PPP1R37: variants seen among roughly 807,000 people sequenced by gnomAD.
PPP1R37 encodes the protein leucine rich repeat containing 68.
A neutral mutation model predicts 61.0 loss-of-function variants in PPP1R37; 21 were observed. The observed-to-expected ratio is 0.34, with a 90% CI of 0.24 to 0.50. The LOEUF (loss-of-function observed/expected upper bound fraction) is 0.50. Ranked by LOEUF, PPP1R37 falls within the 20% of genes least tolerant of loss-of-function variation. The pLI is 0.98. For missense variants in PPP1R37, 910 were observed against 952.7 expected (o/e 0.96, Z 0.59); for synonymous variants, 443 against 433.5 (o/e 1.02, Z -0.27).
In PPP1R37 at chr19:45,140,527, C is replaced by T. The variant is rs913351224; in HGVS notation, c.368C>T (p.Thr123Ile). 2.6e-6 allele frequency: 4 copies of T among 1,535,862 alleles called. No homozygotes were observed. The highest frequency in any genetic ancestry group is 1.4e-5 in the African/African-American group (1 of 73,044). The change falls in exon 4 of 13, where the codon ACC becomes ATC. Residue 123 changes from threonine (T) to isoleucine (I), a missense_variant. Transcript: ENST00000221462. ...DLKGEKLDYK[T>I]CEALEEVFKR... Reference sequence around the variant, plus strand: ...CCAGGTGAGAAGCTTGACTACAAGACCTGTGAGGCCCTGGAAGAGGTCTTC... The same window carrying T: ...CCAGGTGAGAAGCTTGACTACAAGATCTGTGAGGCCCTGGAAGAGGTCTTC...
intron 1 of PPP1R37, among the ~76,000 whole-genome samples, chr19:45,098,194 G>C (rs1484114563): frequency 6.6e-6 from 1 of 151,474 alleles, no homozygotes; most frequent in African/African-American, 2.4e-5. Flanking sequence ...GCACTGCCAG[G>C]CTGGGCACGT....
At chr19:45,128,441 G>A (rs1451766426) in intron 1 of PPP1R37, 11 of 542,554 alleles carry the variant, frequency 2.0e-5, no homozygotes, top group Non-Finnish European at 3.6e-5. Context: ...AGCTGTGTGT[G>A]TTTAAAGTCA....
chr19:45,116,606 C>T (rs1009040635), intron 1 of PPP1R37, among the ~76,000 whole-genome samples: 17 of 152,180 alleles, frequency 1.1e-4, no homozygotes, highest in African/African-American at 2.7e-4. Context: ...CTTTCCAGGA[C>T]GCATTGCGGG....
intron 1 of PPP1R37, among the ~76,000 whole-genome samples, chr19:45,109,073 A>G (rs565223335): frequency 6.6e-6 from 1 of 152,292 alleles, no homozygotes; most frequent in South Asian, 2.1e-4. Flanking sequence ...CGCCCGACCT[A>G]ACCTGTTTAT....
chr19:45,133,963 G>A (rs1968508287), intron 1 of PPP1R37, among the ~76,000 whole-genome samples: 1 of 152,194 alleles, frequency 6.6e-6, no homozygotes, highest in South Asian at 2.1e-4. Flanking sequence ...CATGTGGTTA[G>A]TGCTCAGTAC....
Position 45,121,522 on chromosome 19 carries a change from A to G in PPP1R37, c.203-16992A>G, listed in dbSNP as rs969530318. Among the ~76,000 whole-genome samples the G allele has an allele frequency of 1.6e-4, 25 of 152,248 alleles. No homozygotes were observed. The highest frequency in any genetic ancestry group is 1.6e-3 in the Admixed American group (25 of 15,292). On this transcript the variant is annotated intron_variant, in intron 1 of 12. Coordinates refer to ENST00000221462, the MANE Select transcript of PPP1R37 (RefSeq NM_019121.2). The surrounding 1 kb of genome is among the most constrained non-coding windows in gnomAD (Gnocchi z 4.2). ...CCTAGGTAGGGAGCTCCCCAAATAC[A>G]GGAAGAAGGTTAGAGGCAGGAAGAG...
intron 1 of PPP1R37, among the ~76,000 whole-genome samples, chr19:45,129,570 T>TACA (rs1968450681): frequency 6.6e-6 from 1 of 152,198 alleles, no homozygotes; most frequent in Non-Finnish European, 1.5e-5. Context: ...GTGCTGGGAT[T>TACA]ACAGGTGTGA....
chr19:45,107,035 C>G (rs551865025), intron 1 of PPP1R37, among the ~76,000 whole-genome samples: 3 of 151,828 alleles, frequency 2.0e-5, no homozygotes, highest in African/African-American at 7.2e-5. Context: ...CCAGGATGGT[C>G]TCAATCTCCT....
chr19:45,101,762 G>T (rs918886348), intron 1 of PPP1R37, among the ~76,000 whole-genome samples: 1 of 152,184 alleles, frequency 6.6e-6, no homozygotes. Context: ...ACAGAATCCT[G>T]TGTGGAGGTG....
intron 1 of PPP1R37, among the ~76,000 whole-genome samples, chr19:45,123,870 G>A (rs538722416): frequency 1.1e-4 from 16 of 152,260 alleles, no homozygotes; most frequent in Admixed American, 5.2e-4. Context: ...CCAAGTCCCC[G>A]CAGTAATCTT....
intron 1 of PPP1R37, chr19:45,136,942 G>A (rs1316577419): frequency 6.6e-6 from 1 of 152,284 alleles, no homozygotes; most frequent in Non-Finnish European, 1.5e-5. Flanking sequence ...GCCTAGCAGG[G>A]TGGCAGGAGG....
Position 45,093,391 on chromosome 19 carries a change from A to T in PPP1R37, c.66A>T (p.Pro22=). The part of the protein sequence containing the change: ...PGADGDIEEA[P]AEAGSPSPAS... ...CGGACGGCGACATTGAAGAGGCCCC[A>T]GCTGAGGCCGGGTCTCCCAGCCCCG... Residue 22 remains proline (P), a synonymous_variant, in exon 1 of 13, where the codon CCA becomes CCT. Transcript: ENST00000221462. 1 of 1,532,910 alleles carries T rather than the reference A, an allele frequency of 6.5e-7. No homozygotes were observed. The highest frequency in any genetic ancestry group is 2.0e-5 in the Admixed American group (1 of 50,884). The allele number at this position is 1,532,910 out of a possible 1,614,324, so 95.0% of individuals were successfully genotyped here.
In PPP1R37 at chr19:45,145,889, C is replaced by T. The variant is rs1003259530; in HGVS notation, c.1833C>T (p.Asp611=). Reference sequence around the variant, plus strand: ...CCCTACCACCAGCCGGGGCCATTGACACCCGGGACACAGGGTCCTCTGAGC... The same window carrying T: ...CCCTACCACCAGCCGGGGCCATTGATACCCGGGACACAGGGTCCTCTGAGC... The part of the protein sequence containing the change: ...SPSLPPAGAI[D]TRDTGSSEPQ... Residue 611 remains aspartate (D), a synonymous_variant, in exon 11 of 13, where the codon GAC becomes GAT. Coordinates refer to ENST00000221462, the MANE Select transcript of PPP1R37 (RefSeq NM_019121.2). 120 of 1,528,312 alleles carry T rather than the reference C, an allele frequency of 7.9e-5. No individual in the cohort carries two copies. Among genetic ancestry groups the T allele is most frequent in the Non-Finnish European group, 9.8e-5 (112 of 1,143,712 alleles). The allele number at this position is 1,528,312 out of a possible 1,614,324, so 94.7% of individuals were successfully genotyped here.
rs553309410 is a variant in PPP1R37 at position 45,146,684 on chromosome 19, G to C, written c.*122G>C. 5.6e-6 allele frequency: 3 copies of C among 532,248 alleles called. No individual in the cohort carries two copies. The highest frequency in any genetic ancestry group is 1.9e-5 in the African/African-American group (1 of 52,298). The allele number at this position is 532,248 out of a possible 1,614,324, so 33.0% of individuals were successfully genotyped here. On this transcript the variant is annotated 3_prime_UTR_variant, in exon 13 of 13. Coordinates refer to ENST00000221462, the MANE Select transcript of PPP1R37 (RefSeq NM_019121.2). ...TGCCAGGGGTGGGGGCCATTCTGGG[G>C]CCCCCCTCCCCCCACAGCAACACTA... is the stretch of plus-strand genomic sequence containing the variant.
intron 1 of PPP1R37, among the ~76,000 whole-genome samples, chr19:45,109,895 T>C (rs1158840446): frequency 6.6e-6 from 1 of 152,142 alleles, no homozygotes; most frequent in Non-Finnish European, 1.5e-5. Flanking sequence ...TCTGCCCTGT[T>C]GGAGGGTCCT....
chr19:45,119,320 A>G (rs1968310342), intron 1 of PPP1R37, among the ~76,000 whole-genome samples: 1 of 151,928 alleles, frequency 6.6e-6, no homozygotes, highest in South Asian at 2.1e-4. Flanking sequence ...ATACCTGGCT[A>G]ATTTTTGTAT....
chr19:45,123,507 C>G (rs577891376), intron 1 of PPP1R37, among the ~76,000 whole-genome samples: 31 of 152,286 alleles, frequency 2.0e-4, no homozygotes, highest in African/African-American at 7.2e-4. Flanking sequence ...GGTTTGAAGC[C>G]GGGGCCTGAG....
At chr19:45,138,161 G>C (rs1968562198) in intron 1 of PPP1R37, among the ~76,000 whole-genome samples, 1 of 152,174 alleles carries the variant, frequency 6.6e-6, no homozygotes, top group Non-Finnish European at 1.5e-5. Context: ...TGGAGACATG[G>C]TGGTGACCAA....
intron 11 of PPP1R37, 30 bp from the exon 12 acceptor site, chr19:45,146,360 A>T: frequency 6.5e-7 from 1 of 1,529,094 alleles, no homozygotes; most frequent in Non-Finnish European, 8.8e-7. Flanking sequence ...CACCCGCCTG[A>T]CGGGGGTGCT....
Sources: gnomAD v4.1 joint callset for allele counts (sites outside exome capture counted in the v4.1 genomes callset) on GRCh38, gnomAD v4.1.1 for gene constraint, Gnocchi (gnomAD v3.1) non-coding constraint, MANE v1.5 for transcripts, NCBI Gene and HGNC (gene_info 2026-07-23, HGNC 2026-07-21) for gene names.